ADGRF4: variants seen among roughly 807,000 people sequenced by gnomAD.
ADGRF4 encodes the protein G-protein coupled receptor PGR18.
ADGRF4 carries 63 observed loss-of-function variants against 58.5 expected under a neutral mutation model. That is an observed-to-expected ratio of 1.08 (90% confidence interval 0.88 to 1.33). ADGRF4 has a LOEUF of 1.33. Among genes scored for constraint, ADGRF4 ranks in the 40% most tolerant of loss-of-function variants. The pLI is 0.00. For synonymous variants in ADGRF4, 313 were observed against 295.4 expected, an observed-to-expected ratio of 1.06 and a Z score of -0.61; for missense variants, 931 against 843.9, an observed-to-expected ratio of 1.10 and a Z score of -1.28.
rs893716591 is a variant in ADGRF4 at position 47,710,779 on chromosome 6, C to T, written c.193C>T (p.Pro65Ser). Reference protein sequence around the residue: ...PCISSSNCSQPCAKDFHGEIG... With the variant: ...PCISSSNCSQSCAKDFHGEIG... ...TATTTCTTCTTCCAACTGCAGCCAGCCCTGTGCTAAGGACTTTCATGGAGA... is the reference window on the plus strand; with the variant it reads ...TATTTCTTCTTCCAACTGCAGCCAGTCCTGTGCTAAGGACTTTCATGGAGA... The change falls in exon 4 of 10, where the codon CCC becomes TCC. Residue 65 changes from proline to serine, a missense_variant. Pro to Ser is a moderately conservative substitution (Grantham distance 74). Coordinates refer to ENST00000283303, the MANE Select transcript of ADGRF4 (RefSeq NM_153838.5). The T allele has an allele frequency of 8.7e-6, 14 of 1,612,446 alleles. No homozygotes were observed. The highest frequency in any genetic ancestry group is 1.2e-5 in the Non-Finnish European group (14 of 1,179,262).
In ADGRF4 at chr6:47,714,736, C is replaced by G; in HGVS notation, c.1491C>G (p.Leu497=). Residue 497 remains leucine (L), a synonymous_variant, in exon 6 of 10, where the codon CTC becomes CTG. Transcript: ENST00000283303. ...TCTGGATGCTCTTCAAAGCATTGCT[C>G]ATCATTTATGGAATATTGGTCATTT... ...LFFWMLFKAL[L]IIYGILVIFR... is the part of the protein sequence containing the mutation. 1 of 1,613,968 alleles carries G rather than the reference C, an allele frequency of 6.2e-7. No individual in the cohort carries two copies. Among genetic ancestry groups the G allele is most frequent in the Non-Finnish European group, 8.5e-7 (1 of 1,179,866 alleles).
In ADGRF4 at chr6:47,700,204, A is replaced by AT. The variant is rs534868761; in HGVS notation, c.-17+1410_-17+1411insT. On this transcript the variant is annotated intron_variant, in intron 1 of 9. Coordinates refer to ENST00000283303, the MANE Select transcript of ADGRF4 (RefSeq NM_153838.5). The stretch of plus-strand genomic sequence containing the variant: ...GGTGTTTTGCATGAACAGGTTTGCG[A>AT]GATCACACCTTCTGATGCATTCCTT... 3.2e-4 allele frequency among the ~76,000 whole-genome samples: 48 copies of AT among 152,012 alleles called. 1 individual carries two copies. In the East Asian group the frequency reaches 8.1e-3, roughly 26 times the overall value.
intron 1 of ADGRF4, among the ~76,000 whole-genome samples, chr6:47,704,466 A>G (rs1288617985): frequency 3.3e-5 from 5 of 152,156 alleles, no homozygotes; most frequent in African/African-American, 1.2e-4. Context: ...GGTCCTGAGA[A>G]TAGGTTTCTT....
chr6:47,716,689 G>C lies in ADGRF4; in HGVS notation c.1933-117G>C, dbSNP rs992905514. ...ATTTTTATCTGCATTAGTGGAAACT[G>C]AACTTTCTAATGTCCAATAACTGCC... On this transcript the variant is annotated intron_variant, in intron 6 of 9. Coordinates refer to ENST00000283303, the MANE Select transcript of ADGRF4 (RefSeq NM_153838.5). 1.0e-5 allele frequency: 8 copies of C among 768,934 alleles called. No homozygotes were observed. In the African/African-American group the frequency reaches 1.4e-4, roughly 14 times the overall value. The allele number at this position is 768,934 out of a possible 1,614,324, so 47.6% of individuals were successfully genotyped here.
At chr6:47,698,821 A>G (rs2113890226) in intron 1 of ADGRF4, 27 bp downstream of exon 1, 1 of 152,188 alleles carries the variant, frequency 6.6e-6, no homozygotes, top group South Asian at 2.1e-4. Flanking sequence ...CACCAGCACC[A>G]TTTTCCTGTT....
rs114718350 is a variant in ADGRF4 at position 47,719,657 on chromosome 6, C to A, written c.*3+1212C>A. 4.3e-3 allele frequency among the ~76,000 whole-genome samples: 658 copies of A among 152,224 alleles called. 3 individuals carry two copies. The highest frequency in any genetic ancestry group is 0.014 in the African/African-American group (573 of 41,546). ...ACTGTCTCAGGTGGAGGGGGCCCTG[C>A]CTTTGGGGGATACTGTGTCCAGCCT... On this transcript the variant is annotated intron_variant, in intron 9 of 9. Coordinates refer to ENST00000283303, the MANE Select transcript of ADGRF4 (RefSeq NM_153838.5).
chr6:47,715,350 A>G (rs1771990421), intron 6 of ADGRF4, 173 bp downstream of exon 6: 3 of 561,512 alleles, frequency 5.3e-6, no homozygotes, highest in Non-Finnish European at 9.3e-6. Flanking sequence ...TTAGCTGACC[A>G]GGGTGGTTGG....
intron 1 of ADGRF4, among the ~76,000 whole-genome samples, chr6:47,703,923 C>T (rs1480253802): frequency 6.6e-6 from 1 of 152,142 alleles, no homozygotes; most frequent in Non-Finnish European, 1.5e-5. Context: ...TTAGACTTCA[C>T]AAATGACATC....
In ADGRF4 at chr6:47,714,051, T is replaced by C; in HGVS notation, c.806T>C (p.Ile269Thr). 1.2e-6 allele frequency: 2 copies of C among 1,613,626 alleles called. No individual in the cohort carries two copies. Among genetic ancestry groups the C allele is most frequent in the Non-Finnish European group, 1.7e-6 (2 of 1,179,894 alleles). ...AGCATGAACAATACCACAGAAGATA[T>C]CTTAGGAATGGTACAGATTCCCAGG... ...SMSMNNTTEDILGMVQIPRQE... is the reference protein window; with the variant it reads ...SMSMNNTTEDTLGMVQIPRQE... The change falls in exon 6 of 10, where the codon ATC becomes ACC. Residue 269 changes from isoleucine to threonine, a missense_variant. Ile to Thr is a moderately conservative substitution (Grantham distance 89, BLOSUM62 -1). Coordinates refer to ENST00000283303, the MANE Select transcript of ADGRF4 (RefSeq NM_153838.5).
intron 2 of ADGRF4, among the ~76,000 whole-genome samples, chr6:47,707,710 A>C (rs1561865655): frequency 6.6e-6 from 1 of 152,226 alleles, no homozygotes; most frequent in Admixed American, 6.5e-5. Context: ...TTTATCTATA[A>C]GATGAAGTTT....
rs767853444 is a variant in ADGRF4, at chr6:47,713,883, A to G, written c.638A>G (p.Asp213Gly). 6.2e-7 allele frequency: 1 copy of G among 1,607,414 alleles called. No homozygotes were observed. The highest frequency in any genetic ancestry group is 8.5e-7 in the Non-Finnish European group (1 of 1,177,444). Residue 213 changes from aspartate (D) to glycine (G), a missense_variant, in exon 6 of 10, where the codon GAT becomes GGT. Coordinates refer to ENST00000283303, the MANE Select transcript of ADGRF4 (RefSeq NM_153838.5). ...ATTCCCAACAAAAATGCCAGCTCGG[A>G]TTTGTTGCAGTCAGTGAATTTGTTT... The part of the protein sequence containing the change: ...AFIPNKNASS[D>G]LLQSVNLFAR...
chr6:47,720,758 A>G (rs1772138738), intron 9 of ADGRF4, among the ~76,000 whole-genome samples: 1 of 152,158 alleles, frequency 6.6e-6, no homozygotes, highest in Non-Finnish European at 1.5e-5. Context: ...AGTGTCTTGC[A>G]TGTATTTGTT....
chr6:47,715,250 A>G, intron 6 of ADGRF4, 73 bp downstream of exon 6: 3 of 1,086,472 alleles, frequency 2.8e-6, no homozygotes, highest in Non-Finnish European at 4.0e-6. Flanking sequence ...ATTTGAAATT[A>G]TATAACACAA....
chr6:47,720,598 T>C (rs76795755), intron 9 of ADGRF4, among the ~76,000 whole-genome samples: 1,712 of 152,186 alleles, frequency 0.011, 33 homozygotes, highest in African/African-American at 0.039. Flanking sequence ...TAGATTCTCA[T>C]TGGGAACCCC....
At chr6:47,700,450 G>A (rs187377117) in intron 1 of ADGRF4, among the ~76,000 whole-genome samples, 1 of 152,276 alleles carries the variant, frequency 6.6e-6, no homozygotes, top group African/African-American at 2.4e-5. Flanking sequence ...TCTGCTCCAG[G>A]TACAAGCAAG....
intron 5 of ADGRF4, 135 bp from the exon 6 acceptor site, chr6:47,713,663 T>A: frequency 3.1e-6 from 2 of 644,516 alleles, no homozygotes; most frequent in Non-Finnish European, 5.0e-6. Context: ...TGGATTCTAA[T>A]ACATAGGGAA....
intron 1 of ADGRF4, among the ~76,000 whole-genome samples, chr6:47,699,622 GAAGCCATCTA>G (rs1285511423): frequency 6.6e-6 from 1 of 152,180 alleles, no homozygotes; most frequent in Non-Finnish European, 1.5e-5. Flanking sequence ...AGATTGGCTG[GAAGCCATCTA>G]AAGTAGCTAA....
chr6:47,713,699 A>G, intron 5 of ADGRF4, 99 bp from the exon 6 acceptor site: 1 of 925,592 alleles, frequency 1.1e-6, no homozygotes, highest in Non-Finnish European at 1.6e-6. Flanking sequence ...GCCAAATAAG[A>G]TTGGGTAACC....
chr6:47,717,160 C>T, intron 7 of ADGRF4, 132 bp from the exon 8 acceptor site: 1 of 733,598 alleles, frequency 1.4e-6, no homozygotes, highest in East Asian at 2.5e-5. Flanking sequence ...AATCTTGTTA[C>T]TTGCCAGTCA....
Sources: gnomAD v4.1 joint callset for allele counts (sites outside exome capture counted in the v4.1 genomes callset) on GRCh38, gnomAD v4.1.1 for gene constraint, MANE v1.5 for transcripts, NCBI Gene and HGNC (gene_info 2026-07-23, HGNC 2026-07-21) for gene names.